Variants in IFT88 observed in about 807,000 individuals in gnomAD.
IFT88 encodes intraflagellar transport protein 88 homolog.
In IFT88, 74 loss-of-function variants were observed where a neutral mutation model predicts 119.5. The ratio of observed to expected loss-of-function variants is 0.62; its 90% CI spans 0.51 to 0.75. IFT88 has a LOEUF of 0.75. Ranked by LOEUF, IFT88 falls within the 30% of genes least tolerant of loss-of-function variation. IFT88 has a pLI of 0.00. For synonymous variants in IFT88, 279 were observed against 316.7 expected (o/e 0.88, Z 1.26); for missense variants, 961 against 977.7 (o/e 0.98, Z 0.23).
intron 23 of IFT88, among the ~76,000 whole-genome samples, chr13:20,664,915 T>TAAAAAAA (rs1270537632): frequency 6.6e-6 from 1 of 151,912 alleles, no homozygotes; most frequent in Non-Finnish European, 1.5e-5. Flanking sequence ...CTGTCTCTAC[T>TAAAAAAA]AAAAATACAA....
At chr13:20,591,147 A>T in intron 5 of IFT88, 127 bp downstream of exon 5, 1 of 664,160 alleles carries the variant, frequency 1.5e-6, no homozygotes, top group Non-Finnish European at 2.6e-6. Context: ...AGTGACCCAG[A>T]TTCTTTAAAT....
At chr13:20,610,358 G>C (rs1046980754) in intron 13 of IFT88, among the ~76,000 whole-genome samples, 1 of 152,058 alleles carries the variant, frequency 6.6e-6, no homozygotes, top group Non-Finnish European at 1.5e-5. Context: ...ATCTTGAAGG[G>C]TATTATTTTT....
chr13:20,572,653 G>A (rs2036604475), intron 1 of IFT88, among the ~76,000 whole-genome samples: 1 of 152,172 alleles, frequency 6.6e-6, no homozygotes, highest in African/African-American at 2.4e-5. Flanking sequence ...TTACAAAGCA[G>A]AAATCGCAGT....
At chr13:20,670,092 G>A (rs2055534299) in intron 23 of IFT88, among the ~76,000 whole-genome samples, 1 of 152,116 alleles carries the variant, frequency 6.6e-6, no homozygotes, top group Non-Finnish European at 1.5e-5. Context: ...AGTTGTCAGG[G>A]TTAAGGAGTT....
chr13:20,659,217 T>C (rs2140721709), intron 22 of IFT88, among the ~76,000 whole-genome samples: 1 of 152,336 alleles, frequency 6.6e-6, no homozygotes, highest in East Asian at 1.9e-4. Context: ...TTTCTGGCTG[T>C]GCGTGATGGC....
intron 24 of IFT88, among the ~76,000 whole-genome samples, chr13:20,690,487 T>C (rs866077620): frequency 6.6e-6 from 1 of 152,208 alleles, no homozygotes; most frequent in Non-Finnish European, 1.5e-5. Context: ...AGAATACATA[T>C]ACAGACTACT....
intron 17 of IFT88, among the ~76,000 whole-genome samples, chr13:20,639,718 C>T (rs1199913155): frequency 2.7e-5 from 4 of 148,786 alleles, no homozygotes; most frequent in African/African-American, 9.9e-5. Context: ...CCAATTGCTT[C>T]TATTTTAACT....
At chr13:20,606,768 A>C (rs1299647064) in intron 13 of IFT88, among the ~76,000 whole-genome samples, 1 of 152,092 alleles carries the variant, frequency 6.6e-6, no homozygotes, top group African/African-American at 2.4e-5. Context: ...AGTCCCAGCT[A>C]CTCAAGAGGC....
intron 14 of IFT88, among the ~76,000 whole-genome samples, chr13:20,621,556 A>AAAAAAAAAAC (rs2046508676): frequency 6.8e-6 from 1 of 148,020 alleles, no homozygotes. Flanking sequence ...AAAAAAAAAA[A>AAAAAAAAAAC]AGACTTTTTT....
At chr13:20,663,224 G>A (rs1173292728) in intron 22 of IFT88, 1 of 1,384,426 alleles carries the variant, frequency 7.2e-7, no homozygotes, top group Admixed American at 2.4e-5. Flanking sequence ...TGCCTTCTAA[G>A]TTCTCTGCCA....
chr13:20,677,786 A>G (rs549276745), intron 24 of IFT88, among the ~76,000 whole-genome samples: 3 of 152,366 alleles, frequency 2.0e-5, no homozygotes, highest in South Asian at 4.1e-4. Flanking sequence ...AAGCTTTTAC[A>G]AAGTGTCTAA....
chr13:20,652,475 A>C (rs2140505730), intron 20 of IFT88, among the ~76,000 whole-genome samples: 1 of 152,236 alleles, frequency 6.6e-6, no homozygotes, highest in South Asian at 2.1e-4. Flanking sequence ...TCTTTAAAAA[A>C]AAATAAAAAC....
intron 24 of IFT88, among the ~76,000 whole-genome samples, chr13:20,686,663 C>T (rs1366994750): frequency 1.3e-5 from 2 of 152,140 alleles, no homozygotes; most frequent in East Asian, 1.9e-4. Flanking sequence ...CTGCCGCAAC[C>T]TGTTTAGAAA....
At chr13:20,597,770 T>TATATA (rs373031113) in intron 9 of IFT88, among the ~76,000 whole-genome samples, 3 of 142,468 alleles carry the variant, frequency 2.1e-5, no homozygotes, top group Admixed American at 7.1e-5. Flanking sequence ...TATATATATA[T>TATATA]TTTTTTTTTG....
At chr13:20,581,852 CAA>C (rs10555158) in intron 2 of IFT88, among the ~76,000 whole-genome samples, 43,101 of 121,546 alleles carry the variant, frequency 0.35, 6,979 homozygotes, top group East Asian at 0.67. Context: ...AACCCTGTCT[CAA>C]AAAAAAAAAA....
intron 17 of IFT88, 108 bp from the exon 18 acceptor site, chr13:20,641,177 TTTCTC>T: frequency 1.5e-6 from 1 of 678,414 alleles, no homozygotes. Context: ...TCATCTTCAT[TTTCTC>T]TTCTGGATAA....
chr13:20,653,995 T>C (rs2052285882), intron 21 of IFT88, 67 bp downstream of exon 21: 2 of 838,396 alleles, frequency 2.4e-6, no homozygotes, highest in Non-Finnish European at 3.9e-6. Context: ...ATTATGCATA[T>C]AAATGTGATC....
chr13:20,627,771 C>G (rs1027710438), intron 15 of IFT88, among the ~76,000 whole-genome samples: 1 of 149,972 alleles, frequency 6.7e-6, no homozygotes, highest in Non-Finnish European at 1.5e-5. Flanking sequence ...AATGCATTGC[C>G]ATGGCTCATG....
intron 11 of IFT88, among the ~76,000 whole-genome samples, chr13:20,600,870 CA>C (rs1392151561): frequency 6.6e-6 from 1 of 152,004 alleles, no homozygotes; most frequent in Non-Finnish European, 1.5e-5. Context: ...GAATGTCTAC[CA>C]AGTAGGCAAT....
Sources: allele counts gnomAD v4.1 joint callset (sites outside exome capture counted in the v4.1 genomes callset), GRCh38; gene constraint gnomAD v4.1.1; transcripts MANE v1.5; gene names NCBI Gene and HGNC (gene_info 2026-07-23, HGNC 2026-07-21).